KCTD8: variants seen among roughly 807,000 people sequenced by gnomAD.
KCTD8 encodes BTB/POZ domain-containing protein KCTD8.
In KCTD8, 27 loss-of-function variants were observed where a neutral mutation model predicts 31.5. The observed-to-expected ratio is 0.86, with a 90% CI of 0.63 to 1.18. KCTD8 has a LOEUF of 1.18. KCTD8 is among the 50% of genes most tolerant of loss of function. The pLI, the probability that KCTD8 is intolerant of heterozygous loss-of-function variation, is 0.00. For missense variants in KCTD8, 658 were observed against 647.7 expected, an observed-to-expected ratio of 1.02 and a Z score of -0.17; for synonymous variants, 290 against 280.0, an observed-to-expected ratio of 1.04 and a Z score of -0.36.
At chr4:44,445,473 CT>C (rs1383275756) in intron 1 of KCTD8, among the ~76,000 whole-genome samples, 1 of 152,108 alleles carries the variant, frequency 6.6e-6, no homozygotes, top group Admixed American at 6.5e-5. Context: ...ATATTTAACA[CT>C]TCTGTAGCTC....
At chr4:44,233,202 T>C (rs896909587) in intron 1 of KCTD8, among the ~76,000 whole-genome samples, 3 of 152,190 alleles carry the variant, frequency 2.0e-5, no homozygotes. Flanking sequence ...CTCTTCATTT[T>C]AGTTATCTTT....
At chr4:44,267,683 T>A (rs573935599) in intron 1 of KCTD8, among the ~76,000 whole-genome samples, 1 of 151,966 alleles carries the variant, frequency 6.6e-6, no homozygotes, top group African/African-American at 2.4e-5. Flanking sequence ...AAGAATCAAA[T>A]AGATGCAATA....
At chr4:44,342,351 T>C (rs2109419260) in intron 1 of KCTD8, among the ~76,000 whole-genome samples, 1 of 124,288 alleles carries the variant, frequency 8.0e-6, no homozygotes, top group Middle Eastern at 6.0e-3. Flanking sequence ...CCTGGGCTAA[T>C]GAGCAAGACT....
chr4:44,281,074 G>C (rs1277886215), intron 1 of KCTD8, among the ~76,000 whole-genome samples: 1 of 151,854 alleles, frequency 6.6e-6, no homozygotes, highest in Non-Finnish European at 1.5e-5. Context: ...GAGGACAAGA[G>C]AAGTGAAGGA....
chr4:44,349,090 C>T (rs1719126726), intron 1 of KCTD8, among the ~76,000 whole-genome samples: 1 of 130,110 alleles, frequency 7.7e-6, no homozygotes, highest in Non-Finnish European at 1.7e-5. Context: ...ACCACCACCA[C>T]CACCACTACC....
At chr4:44,225,021 T>A (rs1312703985) in intron 1 of KCTD8, among the ~76,000 whole-genome samples, 2 of 152,132 alleles carry the variant, frequency 1.3e-5, no homozygotes, top group African/African-American at 4.8e-5. Flanking sequence ...AGAAATATGA[T>A]CCCTGTATAA....
At chr4:44,358,067 C>A (rs1241587538) in intron 1 of KCTD8, among the ~76,000 whole-genome samples, 1 of 151,434 alleles carries the variant, frequency 6.6e-6, no homozygotes, top group Non-Finnish European at 1.5e-5. Context: ...CCCCCCAAAG[C>A]CCAGGTGCAC....
At chr4:44,198,855 A>G (rs1230756710) in intron 1 of KCTD8, among the ~76,000 whole-genome samples, 3 of 152,170 alleles carry the variant, frequency 2.0e-5, no homozygotes, top group Admixed American at 6.5e-5. Context: ...TAAAAGGCAT[A>G]AAGTGGCAAG....
intron 1 of KCTD8, among the ~76,000 whole-genome samples, chr4:44,431,816 AATG>A (rs1204306971): frequency 6.6e-6 from 1 of 151,506 alleles, no homozygotes; most frequent in Non-Finnish European, 1.5e-5. Flanking sequence ...GATTCTGTTA[AATG>A]ATTTGTAATT....
chr4:44,215,426 G>T (rs1714620074), intron 1 of KCTD8, among the ~76,000 whole-genome samples: 1 of 152,056 alleles, frequency 6.6e-6, no homozygotes, highest in African/African-American at 2.4e-5. Context: ...TAGAGAATAG[G>T]ATCTTAGTTG....
At chr4:44,322,139 A>G (rs934123773) in intron 1 of KCTD8, among the ~76,000 whole-genome samples, 4 of 151,968 alleles carry the variant, frequency 2.6e-5, no homozygotes, top group African/African-American at 9.7e-5. Context: ...GCTAAATTAT[A>G]TGATACATCT....
chr4:44,277,768 A>C (rs945399030), intron 1 of KCTD8, among the ~76,000 whole-genome samples: 2 of 151,912 alleles, frequency 1.3e-5, no homozygotes, highest in Admixed American at 1.3e-4. Flanking sequence ...AGAAATAGTA[A>C]GAACCATTTT....
intron 1 of KCTD8, among the ~76,000 whole-genome samples, chr4:44,310,393 T>C (rs10517095): frequency 6.6e-6 from 1 of 152,052 alleles, no homozygotes; most frequent in African/African-American, 2.4e-5. Flanking sequence ...AGCAGAGAGA[T>C]TTATGAAACA....
chr4:44,321,828 T>C (rs1185544521), intron 1 of KCTD8, among the ~76,000 whole-genome samples: 1 of 152,054 alleles, frequency 6.6e-6, no homozygotes, highest in Non-Finnish European at 1.5e-5. Context: ...TTTCCTTAGC[T>C]CCTACATGAG....
chr4:44,272,799 TG>T (rs1486996538), intron 1 of KCTD8, among the ~76,000 whole-genome samples: 1 of 152,068 alleles, frequency 6.6e-6, no homozygotes, highest in African/African-American at 2.4e-5. Flanking sequence ...CACATATCAC[TG>T]GAACTACTGA....
At chr4:44,444,826 G>C (rs549124554) in intron 1 of KCTD8, among the ~76,000 whole-genome samples, 71 of 151,848 alleles carry the variant, frequency 4.7e-4, no homozygotes, top group Admixed American at 1.1e-3. Flanking sequence ...TGATGCTCAA[G>C]TGTGTAAACT....
At chr4:44,195,208 T>C (rs1713903457) in intron 1 of KCTD8, among the ~76,000 whole-genome samples, 1 of 151,618 alleles carries the variant, frequency 6.6e-6, no homozygotes. Flanking sequence ...TGAATAAAAA[T>C]TTATATAACA....
rs140625423 is a variant in KCTD8, at chr4:44,312,247, G to A, written c.961+135316C>T. Among the ~76,000 whole-genome samples, 811 of 151,978 alleles carry A rather than the reference G, an allele frequency of 5.3e-3. 12 individuals carry two copies. The highest frequency in any genetic ancestry group is 0.018 in the African/African-American group (753 of 41,440). ...TTTATTTCTCAAAGCACATTTAGGT[G>A]CTCACCAAATGTTGGGTGTTTTAAG... On this transcript the variant is annotated intron_variant, in intron 1 of 1. Transcript: ENST00000360029.
chr4:44,241,461 AG>A (rs1715454603), intron 1 of KCTD8, among the ~76,000 whole-genome samples: 1 of 152,252 alleles, frequency 6.6e-6, no homozygotes, highest in Non-Finnish European at 1.5e-5. Flanking sequence ...TCTATTTCAC[AG>A]AATGTGGAAA....
Sources: allele counts gnomAD v4.1 joint callset (sites outside exome capture counted in the v4.1 genomes callset), GRCh38; gene constraint gnomAD v4.1.1; transcripts MANE v1.5; gene names NCBI Gene and HGNC (gene_info 2026-07-23, HGNC 2026-07-21).